Variants in COL15A1 observed in about 807,000 individuals in gnomAD.
The protein encoded by COL15A1 is collagen type XV alpha 1 chain.
COL15A1 carries 111 observed loss-of-function variants against 165.9 expected under a neutral mutation model. The observed-to-expected ratio is 0.67, with a 90% CI of 0.57 to 0.78. The LOEUF is 0.78. Ranked by LOEUF, COL15A1 falls within the 30% of genes least tolerant of loss-of-function variation. The pLI, the probability that COL15A1 is intolerant of heterozygous loss-of-function variation, is 0.00. For synonymous variants in COL15A1, 659 were observed against 674.8 expected (o/e 0.98, Z 0.36); for missense variants, 1,745 against 1,789.7 (o/e 0.98, Z 0.45).
intron 16 of COL15A1, among the ~76,000 whole-genome samples, chr9:99,029,049 CAGA>C (rs1400623863): frequency 6.6e-6 from 1 of 152,182 alleles, no homozygotes; most frequent in East Asian, 1.9e-4. Flanking sequence ...AGAAAGAATG[CAGA>C]AGAACTTGCT....
Position 98,971,260 on chromosome 9 carries a change from C to G in COL15A1, c.101-14305C>G, listed in dbSNP as rs1217732311. Among the ~76,000 whole-genome samples the G allele has an allele frequency of 2.6e-5, 4 of 152,308 alleles. No homozygotes were observed. The East Asian group carries it at 7.7e-4, about 29-fold the overall frequency. On this transcript the variant is annotated intron_variant, in intron 2 of 41. Coordinates refer to ENST00000375001, the MANE Select transcript of COL15A1 (RefSeq NM_001855.5). The stretch of plus-strand genomic sequence containing the variant: ...CCAGCAGGTCACTGCATGCTCCCAT[C>G]CCATGCCCCTCACGTGCCCCTGACA...
intron 17 of COL15A1, 38 bp downstream of exon 17, chr9:99,034,622 C>G: frequency 1.5e-6 from 2 of 1,317,292 alleles, no homozygotes; most frequent in Non-Finnish European, 1.9e-6. Flanking sequence ...AAAGAACTTT[C>G]TTCTCCCTCC....
Position 99,036,115 on chromosome 9 carries a change from A to C in COL15A1, c.2290-55A>C, listed in dbSNP as rs545209112. 2.0e-5 allele frequency: 28 copies of C among 1,374,450 alleles called. 1 individual carries two copies. In the South Asian group the frequency reaches 3.0e-4, roughly 15 times the overall value. 85.1% of individuals were successfully genotyped at this position (1,374,450 alleles called of 1,614,324 possible). ...GGGGGAGATGGTGAGACAAGAGGCTAGATGGAGGTGAGCAAAGTGACTAGA... is the reference window on the plus strand; with the variant it reads ...GGGGGAGATGGTGAGACAAGAGGCTCGATGGAGGTGAGCAAAGTGACTAGA... On this transcript the variant is annotated intron_variant, in intron 19 of 41. Coordinates refer to ENST00000375001, the MANE Select transcript of COL15A1 (RefSeq NM_001855.5).
At chr9:98,982,792 C>G (rs1298959605) in intron 2 of COL15A1, among the ~76,000 whole-genome samples, 3 of 152,082 alleles carry the variant, frequency 2.0e-5, no homozygotes, top group African/African-American at 7.2e-5. Context: ...CAGGTGCACA[C>G]CACCTGGCTT....
chr9:98,950,583 CCTT>C (rs1353273450), intron 2 of COL15A1, among the ~76,000 whole-genome samples: 7 of 125,044 alleles, frequency 5.6e-5, no homozygotes, highest in East Asian at 5.1e-4. Context: ...TTCCTTCCTT[CCTT>C]CCTTCCTCCC....
intron 2 of COL15A1, among the ~76,000 whole-genome samples, chr9:98,958,665 G>A (rs1173984281): frequency 6.6e-6 from 1 of 152,158 alleles, no homozygotes; most frequent in Non-Finnish European, 1.5e-5. Flanking sequence ...AAGGAATGAA[G>A]TGGCTTTATT....
chr9:99,042,632 A>G (rs1416294800), intron 24 of COL15A1, among the ~76,000 whole-genome samples: 1 of 152,232 alleles, frequency 6.6e-6, no homozygotes, highest in African/African-American at 2.4e-5. Flanking sequence ...CACTTGTTGG[A>G]CGAAAGCATG....
At chr9:99,034,748 G>T (rs949267122) in intron 17 of COL15A1, among the ~76,000 whole-genome samples, 164 bp downstream of exon 17, 3 of 152,162 alleles carry the variant, frequency 2.0e-5, no homozygotes, top group Non-Finnish European at 4.4e-5. Context: ...AGGCAGAACA[G>T]CTGGGGATGG....
At chr9:98,989,113 G>A (rs1243187833) in intron 4 of COL15A1, 65 bp from the exon 5 acceptor site, 2 of 1,264,338 alleles carry the variant, frequency 1.6e-6, no homozygotes, top group East Asian at 2.3e-5. Context: ...AACTTTCCCA[G>A]TCATCCAACT....
intron 16 of COL15A1, among the ~76,000 whole-genome samples, chr9:99,030,831 T>A (rs996354399): frequency 1.3e-5 from 2 of 152,220 alleles, no homozygotes; most frequent in African/African-American, 4.8e-5. Context: ...ATGCACAAGA[T>A]TGGCACTTTC....
chr9:98,955,676 GA>G (rs1418083092), intron 2 of COL15A1, among the ~76,000 whole-genome samples: 1 of 152,222 alleles, frequency 6.6e-6, no homozygotes, highest in Non-Finnish European at 1.5e-5. Flanking sequence ...TTTCATGAAA[GA>G]AAAGTTAAGC....
intron 16 of COL15A1, among the ~76,000 whole-genome samples, chr9:99,028,181 T>C (rs1024010358): frequency 2.0e-5 from 3 of 152,218 alleles, no homozygotes; most frequent in Non-Finnish European, 4.4e-5. Flanking sequence ...TAGGCAGTTA[T>C]CTAAAATGGA....
chr9:98,982,058 C>T (rs1343955054), intron 2 of COL15A1, among the ~76,000 whole-genome samples: 1 of 152,042 alleles, frequency 6.6e-6, no homozygotes, highest in East Asian at 1.9e-4. Context: ...ACCTTGGCCT[C>T]CTAAAACACT....
intron 28 of COL15A1, among the ~76,000 whole-genome samples, chr9:99,048,471 G>A (rs1167766971): frequency 6.6e-6 from 1 of 152,188 alleles, no homozygotes; most frequent in Non-Finnish European, 1.5e-5. Flanking sequence ...GAAGAAAAAA[G>A]CCAATGTTTA....
In COL15A1 at chr9:98,973,939, T is replaced by C. The variant is rs192647548; in HGVS notation, c.101-11626T>C. 1.5e-4 allele frequency among the ~76,000 whole-genome samples: 23 copies of C among 152,340 alleles called. No individual in the cohort carries two copies. The East Asian group carries it at 2.7e-3, about 18-fold the overall frequency. On this transcript the variant is annotated intron_variant, in intron 2 of 41. Transcript: ENST00000375001. ...GTCCAAGGCTCTAGTTTGACAGATA[T>C]TGAACCTGAGGCTCAGAGAAGGGAA...
chr9:99,011,401 T>C (rs1165022994), intron 9 of COL15A1, among the ~76,000 whole-genome samples: 1 of 94,568 alleles, frequency 1.1e-5, no homozygotes, highest in Non-Finnish European at 2.0e-5. Flanking sequence ...AGCATCCCTC[T>C]TTCTGAAAAA....
intron 2 of COL15A1, among the ~76,000 whole-genome samples, chr9:98,952,645 C>T (rs978965399): frequency 6.6e-6 from 1 of 152,050 alleles, no homozygotes; most frequent in African/African-American, 2.4e-5. Context: ...ACTTGGCCTC[C>T]CAAAGTGCTG....
intron 5 of COL15A1, among the ~76,000 whole-genome samples, chr9:98,991,192 A>G (rs941934345): frequency 1.1e-4 from 16 of 152,176 alleles, no homozygotes; most frequent in African/African-American, 2.7e-4. Flanking sequence ...AAGCTTCCAC[A>G]ATGGGAAAAG....
chr9:99,014,656 G>A (rs915884580), intron 9 of COL15A1, among the ~76,000 whole-genome samples: 2 of 152,216 alleles, frequency 1.3e-5, no homozygotes, highest in African/African-American at 4.8e-5. Flanking sequence ...GGAAAGTTAG[G>A]TAGTTTATTT....
Sources: gnomAD v4.1 joint callset for allele counts (sites outside exome capture counted in the v4.1 genomes callset) on GRCh38, gnomAD v4.1.1 for gene constraint, MANE v1.5 for transcripts, NCBI Gene and HGNC (gene_info 2026-07-23, HGNC 2026-07-21) for gene names.